Variants in ITGAV observed in about 807,000 individuals in gnomAD.
The protein encoded by ITGAV is integrin alpha-V.
In ITGAV, 76 loss-of-function variants were observed where a neutral mutation model predicts 143.8. That is an observed-to-expected ratio of 0.53 (90% CI 0.44 to 0.64). The LOEUF is 0.64. ITGAV is among the 30% of genes least tolerant of loss of function. The pLI is 0.00. For missense variants in ITGAV, 1,193 were observed against 1,274.7 expected (o/e 0.94, Z 0.98); for synonymous variants, 453 against 446.7 (o/e 1.01, Z -0.18).
intron 1 of ITGAV, among the ~76,000 whole-genome samples, chr2:186,598,121 A>G (rs1574458053): frequency 6.6e-6 from 1 of 152,126 alleles, no homozygotes; most frequent in Non-Finnish European, 1.5e-5. Flanking sequence ...AGCAAGCACT[A>G]TTCAAGATAT....
chr2:186,662,178 C>T (rs868681341), intron 18 of ITGAV, among the ~76,000 whole-genome samples: 2 of 152,280 alleles, frequency 1.3e-5, no homozygotes, highest in African/African-American at 2.4e-5. Flanking sequence ...GAATGTTATA[C>T]ATACCTTATC....
At chr2:186,594,277 CT>C (rs1210777761) in intron 1 of ITGAV, among the ~76,000 whole-genome samples, 2 of 152,220 alleles carry the variant, frequency 1.3e-5, no homozygotes, top group African/African-American at 4.8e-5. Context: ...AGTTGCACCT[CT>C]GTTTCTATTA....
intron 15 of ITGAV, among the ~76,000 whole-genome samples, chr2:186,653,314 A>G (rs1457787989): frequency 6.6e-6 from 1 of 152,192 alleles, no homozygotes; most frequent in African/African-American, 2.4e-5. Context: ...ATATAAATAT[A>G]AAACTAATGA....
intron 26 of ITGAV, among the ~76,000 whole-genome samples, chr2:186,674,936 G>A (rs890241139): frequency 4.6e-5 from 7 of 152,182 alleles, no homozygotes; most frequent in African/African-American, 9.7e-5. Flanking sequence ...GATATTAGCT[G>A]TGGGCTTTTT....
intron 12 of ITGAV, among the ~76,000 whole-genome samples, chr2:186,642,796 C>T (rs1189414049): frequency 6.6e-6 from 1 of 152,036 alleles, no homozygotes; most frequent in South Asian, 2.1e-4. Context: ...GTGCGAAGTG[C>T]TGGAATTACA....
chr2:186,646,834 T>C lies in ITGAV; in HGVS notation c.1308T>C (p.Tyr436=), dbSNP rs920009702. Residue 436 remains tyrosine (Y), a synonymous_variant, in exon 13 of 30, where the codon TAT becomes TAC. Transcript: ENST00000261023. ...GAAGCATGCCACCAAGCTTTGGCTA[T>C]TCAATGAAAGGAGCCACAGATATAG... ...AARSMPPSFG[Y]SMKGATDIDK... 34 of 1,608,248 alleles carry C rather than the reference T, an allele frequency of 2.1e-5. No individual in the cohort carries two copies. Among genetic ancestry groups the C allele is most frequent in the Non-Finnish European group, 2.8e-5 (33 of 1,175,980 alleles).
chr2:186,601,093 C>T (rs1277467895), intron 1 of ITGAV, among the ~76,000 whole-genome samples: 3 of 151,800 alleles, frequency 2.0e-5, no homozygotes, highest in Non-Finnish European at 4.4e-5. Flanking sequence ...CAAAAGAAAA[C>T]ATCTCTTTAA....
intron 4 of ITGAV, among the ~76,000 whole-genome samples, 176 bp from the exon 5 acceptor site, chr2:186,630,621 T>G (rs1687790423): frequency 6.6e-6 from 1 of 152,076 alleles, no homozygotes; most frequent in Non-Finnish European, 1.5e-5. Context: ...GAGTAAATGG[T>G]GCTGATAAAC....
intron 14 of ITGAV, among the ~76,000 whole-genome samples, 188 bp downstream of exon 14, chr2:186,650,073 A>T (rs1163359238): frequency 6.6e-6 from 1 of 152,204 alleles, no homozygotes; most frequent in Non-Finnish European, 1.5e-5. Flanking sequence ...GTACATATTT[A>T]TGGGGTACAT....
chr2:186,604,030 G>C (rs1265068523), intron 2 of ITGAV, among the ~76,000 whole-genome samples: 1 of 151,534 alleles, frequency 6.6e-6, no homozygotes, highest in African/African-American at 2.4e-5. Context: ...AGCCCGGCTA[G>C]TTTTTATGTA....
chr2:186,636,884 T>A (rs1319202070), intron 7 of ITGAV, among the ~76,000 whole-genome samples, 181 bp from the exon 8 acceptor site: 1 of 152,224 alleles, frequency 6.6e-6, no homozygotes, highest in Non-Finnish European at 1.5e-5. Flanking sequence ...ATTTGAGTAT[T>A]TAACTCAGTT....
intron 12 of ITGAV, 39 bp from the exon 13 acceptor site, chr2:186,646,647 C>G: frequency 6.8e-7 from 1 of 1,472,310 alleles, no homozygotes; most frequent in Non-Finnish European, 9.3e-7. Flanking sequence ...CTCCTTACTT[C>G]TGTCATTCTC....
intron 2 of ITGAV, among the ~76,000 whole-genome samples, chr2:186,612,999 AACTG>A (rs1317533081): frequency 6.6e-6 from 1 of 152,164 alleles, no homozygotes; most frequent in Non-Finnish European, 1.5e-5. Flanking sequence ...CTTTACTACT[AACTG>A]ACTGACAGTC....
Position 186,659,154 on chromosome 2 carries a change from G to C in ITGAV, c.1836G>C (p.Thr612=). The C allele has an allele frequency of 6.2e-7, 1 of 1,609,174 alleles. No individual in the cohort carries two copies. Among genetic ancestry groups the C allele is most frequent in the Non-Finnish European group, 8.5e-7 (1 of 1,177,544 alleles). Residue 612 remains threonine (T), a synonymous_variant, in exon 18 of 30, where the codon ACG becomes ACC. Coordinates refer to ENST00000261023, the MANE Select transcript of ITGAV (RefSeq NM_002210.5). ...TGLQPILNQF[T]PANISRQAHI... Reference sequence around the variant, plus strand: ...TGCAACCCATTCTTAACCAGTTCACGCCTGCTAACATTAGTCGACAGGTAC... The same window carrying C: ...TGCAACCCATTCTTAACCAGTTCACCCCTGCTAACATTAGTCGACAGGTAC...
chr2:186,622,397 A>T lies in ITGAV; in HGVS notation c.375A>T (p.Gly125=). The T allele has an allele frequency of 6.2e-7, 1 of 1,613,582 alleles. No homozygotes were observed. Among genetic ancestry groups the T allele is most frequent in the Non-Finnish European group, 8.5e-7 (1 of 1,179,544 alleles). ...PLEFKSHQWF[G]ASVRSKQDKI... ...AATTTAAGTCCCATCAGTGGTTTGG[A>T]GCATCTGTGAGGTCGAAACAGGATA... The change falls in exon 3 of 30, where the codon GGA becomes GGT. Residue 125 remains glycine, a synonymous_variant. Coordinates refer to ENST00000261023, the MANE Select transcript of ITGAV (RefSeq NM_002210.5).
chr2:186,653,336 C>G (rs940116799), intron 15 of ITGAV, among the ~76,000 whole-genome samples: 2 of 151,886 alleles, frequency 1.3e-5, no homozygotes, highest in Non-Finnish European at 2.9e-5. Context: ...AAATCTTGAC[C>G]CATATACTAC....
chr2:186,667,151 T>C lies in ITGAV; in HGVS notation c.2248T>C (p.Ser750Pro). 1 of 1,603,766 alleles carries C rather than the reference T, an allele frequency of 6.2e-7. No homozygotes were observed. The highest frequency in any genetic ancestry group is 1.1e-5 in the South Asian group (1 of 88,960). The change falls in exon 23 of 30, where the codon TCA becomes CCA. Residue 750 changes from serine (S) to proline (P), a missense_variant and splice_region_variant. By Grantham distance (74) the Ser-to-Pro change is moderately conservative. Transcript: ENST00000261023. Reference sequence around the variant, plus strand: ...TAAGTTTTTTTTTTTCTTTTTCAGCTCAAATCTATTTGACAAAGTAAGCCC... The same window carrying C: ...TAAGTTTTTTTTTTTCTTTTTCAGCCCAAATCTATTTGACAAAGTAAGCCC... ...SVKFDLQIQS[S>P]NLFDKVSPVV...
chr2:186,614,812 A>G (rs531436739), intron 2 of ITGAV, among the ~76,000 whole-genome samples: 2 of 152,150 alleles, frequency 1.3e-5, no homozygotes, highest in East Asian at 1.9e-4. Flanking sequence ...TCAATGCTAC[A>G]GCTACTTTTT....
At chr2:186,617,194 C>T (rs1265127380) in intron 2 of ITGAV, among the ~76,000 whole-genome samples, 2 of 152,108 alleles carry the variant, frequency 1.3e-5, no homozygotes, top group African/African-American at 4.8e-5. Context: ...TTCTTGTTCA[C>T]TTTGGCCATT....
Sources: allele counts gnomAD v4.1 joint callset (sites outside exome capture counted in the v4.1 genomes callset), GRCh38; gene constraint gnomAD v4.1.1; transcripts MANE v1.5; gene names NCBI Gene and HGNC (gene_info 2026-07-23, HGNC 2026-07-21).